Variants in LTBP4 observed in about 807,000 individuals in gnomAD.
LTBP4 encodes latent transforming growth factor beta binding protein 4.
LTBP4 carries 93 observed loss-of-function variants against 180.2 expected under a neutral mutation model. That is an observed-to-expected ratio of 0.52 (90% CI 0.44 to 0.61). LTBP4 has a LOEUF of 0.61. Among genes scored for constraint, LTBP4 ranks in the 20% least tolerant of loss-of-function variants. LTBP4 has a pLI of 0.00. For missense variants in LTBP4, 2,116 were observed against 2,256.5 expected, an observed-to-expected ratio of 0.94 and a Z score of 1.26; for synonymous variants, 947 against 934.5, an observed-to-expected ratio of 1.01 and a Z score of -0.24.
Position 40,605,689 on chromosome 19 carries a change from C to T in LTBP4, c.690+37C>T. ...CCCGTGGGGAGGGGCCCGGAGCTTG[C>T]CTCCGCGCGGGGGCGCGCTCACCCA... On this transcript the variant is annotated intron_variant, in intron 3 of 29. Coordinates refer to ENST00000396819, the MANE Select transcript of LTBP4 (RefSeq NM_001042545.2). The surrounding 1 kb of genome is among the most constrained non-coding windows in gnomAD (Gnocchi z 5.5). 3 of 1,546,778 alleles carry T rather than the reference C, an allele frequency of 1.9e-6. No individual in the cohort carries two copies. The Middle Eastern group carries it at 5.2e-4, about 269-fold the overall frequency.
At position 40,611,473 on chromosome 19, in the gene LTBP4, CAG is replaced by C; in HGVS notation, c.2053+82_2053+83del. 6.6e-7 allele frequency: 1 copy of C among 1,524,612 alleles called. No homozygotes were observed. 94.4% of individuals were successfully genotyped at this position (1,524,612 alleles called of 1,614,324 possible). On this transcript the variant is annotated intron_variant, in intron 13 of 29. Transcript: ENST00000396819. This position sits in a 1 kb window ranked among gnomAD's most constrained non-coding sequence, Gnocchi z 4.4. ...GAGAGATTATTGAGGGGCAGAGAGG[CAG>C]AGTGATGGGGCTCAGGGATGGAGAA...
chr19:40,597,940 G>A (rs956600232), upstream of LTBP4, among the ~76,000 whole-genome samples: 1 of 152,094 alleles, frequency 6.6e-6, no homozygotes, highest in Admixed American at 6.5e-5. Flanking sequence ...GGAGTCCTCA[G>A]GCTTCAGAAC....
rs1306516563 is a variant in LTBP4 at position 40,613,270 on chromosome 19, T to G, written c.2431+74T>G. 3.9e-6 allele frequency: 6 copies of G among 1,541,558 alleles called. No individual in the cohort carries two copies. Among genetic ancestry groups the G allele is most frequent in the Non-Finnish European group, 5.3e-6 (6 of 1,140,346 alleles). On this transcript the variant is annotated intron_variant, in intron 16 of 29. Coordinates refer to ENST00000396819, the MANE Select transcript of LTBP4 (RefSeq NM_001042545.2). This position sits in a 1 kb window ranked among gnomAD's most constrained non-coding sequence, Gnocchi z 5.0. ...TCCAGGGCAAAGCCGGCTGGAAAGG[T>G]GGAGGCGGGACCAAGGCGCTGTGGG...
upstream of LTBP4, chr19:40,598,387 C>G (rs1348927342): frequency 1.5e-5 from 2 of 137,472 alleles, no homozygotes; most frequent in Non-Finnish European, 3.2e-5. Context: ...CCCCACTGCT[C>G]TCCTCTCGGG....
upstream of LTBP4, chr19:40,597,264 C>T (rs1487018582): frequency 1.3e-6 from 2 of 1,511,270 alleles, no homozygotes; most frequent in Non-Finnish European, 1.8e-6. Flanking sequence ...GCGGCCGCCG[C>T]CCCCTCCTGC....
intron 1 of LTBP4, among the ~76,000 whole-genome samples, chr19:40,595,980 G>T (rs1399815298): frequency 7.9e-6 from 1 of 127,312 alleles, no homozygotes; most frequent in Non-Finnish European, 1.5e-5. Context: ...GAGTGCAGTG[G>T]TGTGATCTTG....
intron 14 of LTBP4, 44 bp downstream of exon 14, chr19:40,612,028 G>A: frequency 6.2e-7 from 1 of 1,612,394 alleles, no homozygotes; most frequent in Non-Finnish European, 8.5e-7. Context: ...GGTGAGGGGG[G>A]AGTTGGACCA....
At chr19:40,615,982 A>G (rs2081546019) in intron 19 of LTBP4, among the ~76,000 whole-genome samples, 1 of 152,170 alleles carries the variant, frequency 6.6e-6, no homozygotes, top group Non-Finnish European at 1.5e-5. Flanking sequence ...TGGATGGAGG[A>G]GTGCTAGGAG....
chr19:40,615,134 T>C (rs1424835680), intron 19 of LTBP4, among the ~76,000 whole-genome samples: 1 of 129,968 alleles, frequency 7.7e-6, no homozygotes, highest in Non-Finnish European at 1.6e-5. Context: ...CGGGTCAGGC[T>C]CCAGCGAGGC....
In LTBP4 at chr19:40,617,004, A is replaced by G; in HGVS notation, c.2928A>G (p.Pro976=). 1 of 1,613,234 alleles carries G rather than the reference A, an allele frequency of 6.2e-7. No individual in the cohort carries two copies. Among genetic ancestry groups the G allele is most frequent in the Non-Finnish European group, 8.5e-7 (1 of 1,179,216 alleles). ...PACDPGYQPT[P]GGGCQDVDEC... is the part of the protein sequence containing the mutation. ...GTGACCCTGGCTATCAGCCCACGCC[A>G]GGGGGCGGATGCCAGGGTGGGTGTC... The change falls in exon 20 of 30, where the codon CCA becomes CCG. Residue 976 remains proline (P), a synonymous_variant. Transcript: ENST00000396819.
chr19:40,613,326 C>CG lies in LTBP4; in HGVS notation c.2432-74dup, dbSNP rs996901464. The CG allele has an allele frequency of 1.5e-5, 24 of 1,553,486 alleles. No homozygotes were observed. The highest frequency in any genetic ancestry group is 2.4e-5 in the East Asian group (1 of 41,434). On this transcript the variant is annotated intron_variant, in intron 16 of 29. Transcript: ENST00000396819. This position sits in a 1 kb window ranked among gnomAD's most constrained non-coding sequence, Gnocchi z 5.0. Reference sequence around the variant, plus strand: ...CTTAGAAACCTGGCATTGGTGGGGGCGGGGTTACTGCGATGTGGGCGGAGC... The same window carrying CG: ...CTTAGAAACCTGGCATTGGTGGGGGCGGGGGTTACTGCGATGTGGGCGGAGC...
intron 15 of LTBP4, among the ~76,000 whole-genome samples, chr19:40,612,852 G>T (rs1395105574): frequency 6.6e-6 from 1 of 152,142 alleles, no homozygotes; most frequent in East Asian, 1.9e-4. Context: ...CCTGGCACAG[G>T]TAGTTCCTAG....
chr19:40,613,880 G>A lies in LTBP4; in HGVS notation c.2558-36G>A, dbSNP rs367991965. 1.2e-6 allele frequency: 2 copies of A among 1,612,680 alleles called. No homozygotes were observed. Among genetic ancestry groups the A allele is most frequent in the African/African-American group, 1.3e-5 (1 of 74,918 alleles). On this transcript the variant is annotated intron_variant, in intron 17 of 29. Coordinates refer to ENST00000396819, the MANE Select transcript of LTBP4 (RefSeq NM_001042545.2). The surrounding 1 kb of genome is among the most constrained non-coding windows in gnomAD (Gnocchi z 5.0). ...TGGCCTAGAATGTTAGGCGGAGCGG[G>A]AGGTGGGCCGGGCCTTCGGACGCCC... is the stretch of plus-strand genomic sequence containing the variant.
At chr19:40,615,941 C>T (rs1354884986) in intron 19 of LTBP4, among the ~76,000 whole-genome samples, 1 of 152,098 alleles carries the variant, frequency 6.6e-6, no homozygotes, top group Non-Finnish European at 1.5e-5. Flanking sequence ...GAAAACAAAG[C>T]AAGACAAATG....
chr19:40,617,286 T>TC, intron 21 of LTBP4, 61 bp downstream of exon 21: 1 of 1,565,726 alleles, frequency 6.4e-7, no homozygotes, highest in Non-Finnish European at 8.7e-7. Context: ...TCAGGCCCTG[T>TC]CCCTCCCCAT....
intron 15 of LTBP4, 68 bp downstream of exon 15, chr19:40,612,260 A>G: frequency 6.6e-7 from 1 of 1,508,856 alleles, no homozygotes; most frequent in Non-Finnish European, 8.9e-7. Flanking sequence ...CCAGATCACA[A>G]CTATGACCTG....
At chr19:40,601,659 C>A in intron 1 of LTBP4, 22 bp downstream of exon 1, 1 of 1,335,804 alleles carries the variant, frequency 7.5e-7, no homozygotes, top group South Asian at 1.9e-5. Context: ...GTGGTGGTCC[C>A]GAGAGAGCGG....
chr19:40,613,055 C>T lies in LTBP4; in HGVS notation c.2300-10C>T. 6.2e-7 allele frequency: 1 copy of T among 1,610,850 alleles called. No homozygotes were observed. Among genetic ancestry groups the T allele is most frequent in the African/African-American group, 1.3e-5 (1 of 74,978 alleles). ...ACTGGACCCTTTCTGAACACCCCCACCCCCCACAGATGTGGACGAATGCAG... is the reference window on the plus strand; with the variant it reads ...ACTGGACCCTTTCTGAACACCCCCATCCCCCACAGATGTGGACGAATGCAG... On this transcript the variant is annotated splice_polypyrimidine_tract_variant and intron_variant, in intron 15 of 29. Transcript: ENST00000396819. This position sits in a 1 kb window ranked among gnomAD's most constrained non-coding sequence, Gnocchi z 5.0.
intron 21 of LTBP4, among the ~76,000 whole-genome samples, chr19:40,617,643 C>CAAAAA (rs56053315): frequency 9.3e-5 from 11 of 118,796 alleles, no homozygotes; most frequent in African/African-American, 2.9e-4. Flanking sequence ...GACCCTGTCT[C>CAAAAA]AAAAAAAAAA....
Sources: allele counts gnomAD v4.1 joint callset (sites outside exome capture counted in the v4.1 genomes callset), GRCh38; gene constraint gnomAD v4.1.1; non-coding constraint Gnocchi (gnomAD v3.1); transcripts MANE v1.5; gene names NCBI Gene and HGNC (gene_info 2026-07-23, HGNC 2026-07-21).